Variants in NAV2 observed in about 807,000 individuals in gnomAD.
NAV2 encodes the protein helicase, APC down-regulated 1.
In NAV2, 54 loss-of-function variants were observed where a neutral mutation model predicts 223.2. The ratio of observed to expected loss-of-function variants is 0.24; its 90% confidence interval spans 0.19 to 0.30. The LOEUF (loss-of-function observed/expected upper bound fraction) is 0.30. Among genes scored for constraint, NAV2 ranks in the 10% least tolerant of loss-of-function variants. The probability of loss-of-function intolerance (pLI) is 1.00; values close to 1 mark genes in which losing one functional copy is unlikely to be tolerated. For synonymous variants in NAV2, 1,279 were observed against 1,239.3 expected, an observed-to-expected ratio of 1.03 and a Z score of -0.67; for missense variants, 2,806 against 3,147.5, an observed-to-expected ratio of 0.89 and a Z score of 2.60.
At position 19,859,524 on chromosome 11, in the gene NAV2, T is replaced by C. The variant is rs2061570334; in HGVS notation, c.439-9401T>C. Among the ~76,000 whole-genome samples, 7 of 149,634 alleles carry C rather than the reference T, an allele frequency of 4.7e-5. 1 individual carries two copies. The South Asian group carries it at 1.5e-3, about 33-fold the overall frequency. On this transcript the variant is annotated intron_variant, in intron 3 of 37. Coordinates refer to ENST00000349880, the MANE Select transcript of NAV2 (RefSeq NM_145117.5). ...TCTTAGTACAGAACAAAATGAAAAG[T>C]CTCCCATGTCTACCTCTTTCTACAC...
intron 31 of NAV2, 34 bp from the exon 32 acceptor site, chr11:20,100,903 G>T: frequency 1.3e-6 from 2 of 1,587,682 alleles, no homozygotes; most frequent in Non-Finnish European, 8.6e-7. Flanking sequence ...TTTTCTACAG[G>T]GCTTCAGATG....
chr11:19,478,273 G>T (rs1198099439), intron 1 of NAV2, among the ~76,000 whole-genome samples: 1 of 152,112 alleles, frequency 6.6e-6, no homozygotes, highest in Non-Finnish European at 1.5e-5. Flanking sequence ...CACAAGCAAA[G>T]CTCTACATCA....
At chr11:19,640,961 T>G (rs1218260288) in intron 1 of NAV2, among the ~76,000 whole-genome samples, 1 of 152,152 alleles carries the variant, frequency 6.6e-6, no homozygotes, top group African/African-American at 2.4e-5. Context: ...AGTCCCCACC[T>G]AGGGAAAGGA....
At chr11:20,056,679 G>T in intron 19 of NAV2, 1 of 1,122,146 alleles carries the variant, frequency 8.9e-7, no homozygotes, top group South Asian at 1.2e-5. Context: ...ACCCCATGAA[G>T]ATGGGGCTGA....
At chr11:19,601,602 G>A (rs1257312356) in intron 1 of NAV2, among the ~76,000 whole-genome samples, 2 of 152,118 alleles carry the variant, frequency 1.3e-5, no homozygotes, top group African/African-American at 4.8e-5. Context: ...GGCAGAACAA[G>A]ATTGATTCTT....
chr11:19,783,806 G>C (rs919191294), intron 1 of NAV2, among the ~76,000 whole-genome samples: 1 of 152,170 alleles, frequency 6.6e-6, no homozygotes, highest in Non-Finnish European at 1.5e-5. Flanking sequence ...ATTCAGAGCA[G>C]CATCCAAGCA....
chr11:19,589,038 A>T (rs536157499), intron 1 of NAV2, among the ~76,000 whole-genome samples: 1 of 152,322 alleles, frequency 6.6e-6, no homozygotes, highest in Admixed American at 6.5e-5. Flanking sequence ...GACTCACCAT[A>T]CCTGGTCCTT....
chr11:19,933,263 C>G lies in NAV2; in HGVS notation c.1019C>G (p.Thr340Ser). The G allele has an allele frequency of 6.2e-7, 1 of 1,612,250 alleles. No homozygotes were observed. Among genetic ancestry groups the G allele is most frequent in the Non-Finnish European group, 8.5e-7 (1 of 1,179,176 alleles). The change falls in exon 7 of 38, where the codon ACT (threonine) becomes AGT (serine). Residue 340 changes from threonine to serine, a missense_variant. This residue lies in a region of NAV2 where 1,167 missense variants were observed against 1,180.5 expected (regional missense o/e 0.99). Coordinates refer to ENST00000349880, the MANE Select transcript of NAV2 (RefSeq NM_145117.5). The surrounding 1 kb of genome is among the most constrained non-coding windows in gnomAD (Gnocchi z 4.3). Reference sequence around the variant, plus strand: ...GAGAGCGGCAGCAGCTCCACCCCTACTAATTGCAGTACCTCCTCGGCCATC... The same window carrying G: ...GAGAGCGGCAGCAGCTCCACCCCTAGTAATTGCAGTACCTCCTCGGCCATC... ...SLESGSSSTP[T>S]NCSTSSAIPQ...
intron 10 of NAV2, among the ~76,000 whole-genome samples, chr11:19,965,753 T>C (rs1262528172): frequency 6.6e-6 from 1 of 152,246 alleles, no homozygotes; most frequent in East Asian, 1.9e-4. Context: ...ATAATGTAGC[T>C]TCTTGAAACT....
intron 1 of NAV2, among the ~76,000 whole-genome samples, chr11:19,642,964 C>T (rs2047706766): frequency 6.6e-6 from 1 of 152,134 alleles, no homozygotes; most frequent in South Asian, 2.1e-4. Flanking sequence ...ACATCAAAGA[C>T]CTTTGCTTCT....
intron 1 of NAV2, among the ~76,000 whole-genome samples, chr11:19,692,450 A>G (rs2049205526): frequency 6.6e-6 from 1 of 152,216 alleles, no homozygotes; most frequent in Non-Finnish European, 1.5e-5. Flanking sequence ...GGAAACATCT[A>G]AGTATGCTGT....
intron 1 of NAV2, among the ~76,000 whole-genome samples, chr11:19,372,629 T>C (rs1848510135): frequency 6.6e-6 from 1 of 152,114 alleles, no homozygotes; most frequent in African/African-American, 2.4e-5. Context: ...GCTTGAAGGA[T>C]AGCACCTAGA....
chr11:19,999,314 G>A (rs2052302107), intron 11 of NAV2, among the ~76,000 whole-genome samples: 1 of 152,236 alleles, frequency 6.6e-6, no homozygotes, highest in Non-Finnish European at 1.5e-5. Flanking sequence ...TTCATGTTCA[G>A]GAACTTCTCT....
At chr11:19,931,085 C>G (rs1404672794) in intron 6 of NAV2, among the ~76,000 whole-genome samples, 3 of 152,298 alleles carry the variant, frequency 2.0e-5, no homozygotes, top group Middle Eastern at 3.4e-3. Context: ...TTAGCCCTAC[C>G]TAAGTCTCAG....
At chr11:19,709,502 G>A (rs111599334), upstream of NAV2, among the ~76,000 whole-genome samples, 2 of 140,260 alleles carry the variant, frequency 1.4e-5, no homozygotes, top group African/African-American at 2.6e-5. Flanking sequence ...AGCCAATATC[G>A]TGCCACTGCA....
intron 1 of NAV2, among the ~76,000 whole-genome samples, chr11:19,420,149 C>T (rs1365138693): frequency 6.6e-6 from 1 of 152,180 alleles, no homozygotes; most frequent in Non-Finnish European, 1.5e-5. Flanking sequence ...GACCTATGGA[C>T]TGTTGTGTTT....
At position 19,821,259 on chromosome 11, in the gene NAV2, CT is replaced by C. The variant is rs1420347977; in HGVS notation, c.268-11224del. Reference sequence around the variant, plus strand: ...CCTGGGCGACAGAGCGAGACTCTGTCTCAAAAAAAAAAAAAAAAAAAAAGAG... The same window carrying C: ...CCTGGGCGACAGAGCGAGACTCTGTCCAAAAAAAAAAAAAAAAAAAAAGAG... On this transcript the variant is annotated intron_variant, in intron 1 of 37. Coordinates refer to ENST00000349880, the MANE Select transcript of NAV2 (RefSeq NM_145117.5). 9.8e-4 allele frequency among the ~76,000 whole-genome samples: 28 copies of C among 28,626 alleles called. No individual in the cohort carries two copies. In the Admixed American group the frequency reaches 0.014, roughly 15 times the overall value. 18.8% of individuals were successfully genotyped at this position (28,626 alleles called of 152,430 possible).
intron 1 of NAV2, among the ~76,000 whole-genome samples, chr11:19,682,068 C>A (rs1245616059): frequency 2.6e-5 from 4 of 152,168 alleles, no homozygotes. Flanking sequence ...CCCACTACCA[C>A]CAGAGCATCA....
At chr11:19,674,171 T>C (rs547060689) in intron 1 of NAV2, among the ~76,000 whole-genome samples, 8 of 152,302 alleles carry the variant, frequency 5.3e-5, no homozygotes, top group East Asian at 3.9e-4. Flanking sequence ...CAACTCACCT[T>C]CTCTGTTACC....
Sources: gnomAD v4.1 joint callset for allele counts (sites outside exome capture counted in the v4.1 genomes callset) on GRCh38, gnomAD v4.1.1 for gene constraint, gnomAD v4.1.1 regional missense constraint, Gnocchi (gnomAD v3.1) non-coding constraint, MANE v1.5 for transcripts, NCBI Gene and HGNC (gene_info 2026-07-23, HGNC 2026-07-21) for gene names.